The following KDM7A variants were observed in gnomAD, a reference collection of about 807,000 sequenced individuals.
KDM7A encodes lysine demethylase 7A.
KDM7A carries 28 observed loss-of-function variants against 114.8 expected under a neutral mutation model. The ratio of observed to expected loss-of-function variants is 0.24; its 90% CI spans 0.18 to 0.33. KDM7A has a LOEUF of 0.33. Among genes scored for constraint, KDM7A ranks in the 10% least tolerant of loss-of-function variants. The pLI is 1.00. For missense variants in KDM7A, 942 were observed against 1,142.5 expected, an observed-to-expected ratio of 0.82 and a Z score of 2.53; for synonymous variants, 423 against 397.8, an observed-to-expected ratio of 1.06 and a Z score of -0.75.
intron 1 of KDM7A, among the ~76,000 whole-genome samples, chr7:140,155,106 T>C (rs1040778225): frequency 6.6e-6 from 1 of 152,142 alleles, no homozygotes; most frequent in Non-Finnish European, 1.5e-5. Context: ...ACTAAAACTT[T>C]CTAAAACTAT....
intron 12 of KDM7A, among the ~76,000 whole-genome samples, chr7:140,101,463 G>A (rs1466324464): frequency 6.6e-6 from 1 of 152,116 alleles, no homozygotes; most frequent in East Asian, 1.9e-4. Flanking sequence ...TCAGCTGTCG[G>A]TTCAAACCTG....
chr7:140,106,192 C>G (rs1411705057), intron 11 of KDM7A, among the ~76,000 whole-genome samples: 1 of 151,962 alleles, frequency 6.6e-6, no homozygotes, highest in African/African-American at 2.4e-5. Context: ...TCTTATTAGT[C>G]TTGCTAGCAG....
At chr7:140,108,480 G>T (rs1182732608) in intron 11 of KDM7A, among the ~76,000 whole-genome samples, 1 of 152,140 alleles carries the variant, frequency 6.6e-6, no homozygotes, top group Non-Finnish European at 1.5e-5. Context: ...TGTCCTTTCT[G>T]TTTGTTTTCC....
At chr7:140,096,134 C>A (rs1818105468) in intron 17 of KDM7A, among the ~76,000 whole-genome samples, 1 of 152,100 alleles carries the variant, frequency 6.6e-6, no homozygotes, top group African/African-American at 2.4e-5. Flanking sequence ...CTAATACTTT[C>A]TTTTCAAGTA....
At chr7:140,127,975 AC>A (rs1818732719) in intron 4 of KDM7A, among the ~76,000 whole-genome samples, 1 of 152,136 alleles carries the variant, frequency 6.6e-6, no homozygotes, top group African/African-American at 2.4e-5. Context: ...GAGGAGACTG[AC>A]TTTTCCCTTT....
intron 13 of KDM7A, 36 bp downstream of exon 13, chr7:140,099,863 A>C (rs1486105244): frequency 1.3e-6 from 2 of 1,588,528 alleles, no homozygotes; most frequent in South Asian, 2.2e-5. Flanking sequence ...CCCAATGAAA[A>C]TTAATCTATT....
intron 1 of KDM7A, among the ~76,000 whole-genome samples, chr7:140,161,445 T>A (rs907899717): frequency 6.6e-6 from 1 of 152,262 alleles, no homozygotes; most frequent in African/African-American, 2.4e-5. Flanking sequence ...GTTCTTTTTT[T>A]AAAACTATTC....
At chr7:140,171,206 T>G (rs1339728362) in intron 1 of KDM7A, among the ~76,000 whole-genome samples, 1 of 151,752 alleles carries the variant, frequency 6.6e-6, no homozygotes, top group Non-Finnish European at 1.5e-5. Flanking sequence ...CTCATACCTA[T>G]TACAGGCACT....
chr7:140,143,225 C>A (rs1794305579), intron 1 of KDM7A, among the ~76,000 whole-genome samples: 1 of 149,780 alleles, frequency 6.7e-6, no homozygotes, highest in South Asian at 2.1e-4. Flanking sequence ...ATGATATATT[C>A]TATGTATGCA....
chr7:140,123,268 G>T (rs1310925214), intron 7 of KDM7A, among the ~76,000 whole-genome samples: 1 of 152,128 alleles, frequency 6.6e-6, no homozygotes, highest in Non-Finnish European at 1.5e-5. Flanking sequence ...TTGGAGAACG[G>T]GTCAGCAATT....
intron 7 of KDM7A, among the ~76,000 whole-genome samples, chr7:140,123,522 T>G (rs1316332897): frequency 3.3e-5 from 5 of 152,176 alleles, no homozygotes; most frequent in African/African-American, 1.2e-4. Flanking sequence ...AGTACTCAGA[T>G]TTCACATTTT....
At chr7:140,121,363 C>T (rs923738238) in intron 7 of KDM7A, among the ~76,000 whole-genome samples, 5 of 152,104 alleles carry the variant, frequency 3.3e-5, no homozygotes, top group Non-Finnish European at 5.9e-5. Context: ...ACACAAATCC[C>T]GTTTTCTTTG....
chr7:140,165,000 C>G (rs1794558677), intron 1 of KDM7A, among the ~76,000 whole-genome samples: 1 of 152,166 alleles, frequency 6.6e-6, no homozygotes, highest in Non-Finnish European at 1.5e-5. Flanking sequence ...ACCAACAATG[C>G]CATGTATGCT....
intron 1 of KDM7A, among the ~76,000 whole-genome samples, chr7:140,174,251 T>C (rs1156791040): frequency 6.6e-6 from 1 of 152,164 alleles, no homozygotes; most frequent in Non-Finnish European, 1.5e-5. Context: ...CTAAATTTTC[T>C]AACTTTTGAC....
chr7:140,097,920 T>C (rs983827118), intron 14 of KDM7A, among the ~76,000 whole-genome samples: 3 of 152,242 alleles, frequency 2.0e-5, no homozygotes, highest in Non-Finnish European at 4.4e-5. Context: ...TTTGTATTTC[T>C]TTCCAGAAGA....
At chr7:140,142,379 A>C (rs1196529832) in intron 1 of KDM7A, among the ~76,000 whole-genome samples, 1 of 151,688 alleles carries the variant, frequency 6.6e-6, no homozygotes, top group Non-Finnish European at 1.5e-5. Flanking sequence ...GTGGCCACCA[A>C]AGGAATTATA....
rs564356350 is a variant in KDM7A, at chr7:140,106,571, T to G, written c.1429-4411A>C. Among the ~76,000 whole-genome samples the G allele has an allele frequency of 4.3e-4, 66 of 152,346 alleles. 1 individual carries two copies. The highest frequency in any genetic ancestry group is 1.5e-3 in the African/African-American group (61 of 41,576). On this transcript the variant is annotated intron_variant, in intron 11 of 19. Coordinates refer to ENST00000397560, the MANE Select transcript of KDM7A (RefSeq NM_030647.2). ...CCAGTAGTCATTCAGGAGCAGGTTG[T>G]TCAGCCTCCATGTAGTTGTGCAGTT...
At chr7:140,110,205 CTTT>C (rs1052545317) in intron 11 of KDM7A, among the ~76,000 whole-genome samples, 2 of 151,992 alleles carry the variant, frequency 1.3e-5, no homozygotes, top group African/African-American at 2.4e-5. Context: ...AGAATCATAC[CTTT>C]CACAGTAAGT....
intron 2 of KDM7A, among the ~76,000 whole-genome samples, chr7:140,136,982 G>A (rs1388865540): frequency 4.7e-5 from 7 of 148,656 alleles, no homozygotes; most frequent in East Asian, 3.9e-4. Flanking sequence ...ACAAGACTCC[G>A]TCTCAAAAAA....
Sources: gnomAD v4.1 joint callset for allele counts (sites outside exome capture counted in the v4.1 genomes callset) on GRCh38, gnomAD v4.1.1 for gene constraint, MANE v1.5 for transcripts, NCBI Gene and HGNC (gene_info 2026-07-23, HGNC 2026-07-21) for gene names.